XIAP: variants seen among roughly 807,000 people sequenced by gnomAD.
XIAP encodes E3 ubiquitin-protein ligase XIAP.
XIAP carries 3 observed loss-of-function variants against 33.1 expected under a neutral mutation model. The ratio of observed to expected loss-of-function variants is 0.09; its 90% CI spans 0.04 to 0.23. XIAP has a LOEUF of 0.23. Ranked by LOEUF, XIAP falls within the 10% of genes least tolerant of loss-of-function variation. XIAP has a pLI of 1.00. For synonymous variants in XIAP, 98 were observed against 121.3 expected, an observed-to-expected ratio of 0.81 and a Z score of 1.26; for missense variants, 264 against 363.0, an observed-to-expected ratio of 0.73 and a Z score of 2.22.
At chrX:123,904,702 CAACCTCT>C (rs1197316686) in intron 6 of XIAP, among the ~76,000 whole-genome samples, 25 of 112,431 alleles carry the variant, frequency 2.2e-4, no homozygotes, top group Non-Finnish European at 4.5e-4. Context: ...CAGCTCACTG[CAACCTCT>C]ATCTCTCAGG....
rs1330181237 is a variant in XIAP at position 123,909,428 on chromosome X, G to C, written c.*2247G>C. The C allele has an allele frequency of 3.1e-6, 1 of 327,056 alleles. No individual in the cohort carries two copies. The highest frequency in any genetic ancestry group is 5.9e-6 in the Non-Finnish European group (1 of 169,673). 27.0% of individuals were successfully genotyped at this position (327,056 alleles called of 1,213,427 possible). Reference sequence around the variant, plus strand: ...ATCCTCAGTTCTTCACCTTTGCACTGTCTGCCACTTAGTTTGGTTATATAG... The same window carrying C: ...ATCCTCAGTTCTTCACCTTTGCACTCTCTGCCACTTAGTTTGGTTATATAG... On this transcript the variant is annotated 3_prime_UTR_variant, in exon 7 of 7. Transcript: ENST00000371199.
intron 1 of XIAP, among the ~76,000 whole-genome samples, chrX:123,872,403 G>A (rs191955784): frequency 1.2e-3 from 121 of 103,546 alleles, no homozygotes; most frequent in African/African-American, 4.1e-3. Flanking sequence ...TTAACAATAA[G>A]TTGGCCGGGT....
At position 123,909,919 on chromosome X, in the gene XIAP, T is replaced by A. The variant is rs1454475777; in HGVS notation, c.*2738T>A. 9.1e-6 allele frequency: 3 copies of A among 329,649 alleles called. No individual in the cohort carries two copies. The highest frequency in any genetic ancestry group is 1.8e-5 in the Non-Finnish European group (3 of 169,992). 27.2% of individuals were successfully genotyped at this position (329,649 alleles called of 1,213,427 possible). On this transcript the variant is annotated 3_prime_UTR_variant, in exon 7 of 7. Transcript: ENST00000371199. ...TCTTTTCCATCTAATTCCGCAAAAA[T>A]TGATCATTTGCAAAGTCAAAACTAT...
chrX:123,869,117 G>A (rs1234064191), intron 1 of XIAP, among the ~76,000 whole-genome samples: 1 of 110,240 alleles, frequency 9.1e-6, no homozygotes, highest in Non-Finnish European at 1.9e-5. Context: ...TTCTTAAACC[G>A]GACAAGGCTG....
intron 1 of XIAP, among the ~76,000 whole-genome samples, chrX:123,864,635 A>AGT (rs748255094): frequency 0.036 from 3,067 of 84,497 alleles, 94 homozygotes; most frequent in African/African-American, 0.082. Flanking sequence ...CCCGGCTTAG[A>AGT]GTGTGTGTGT....
intron 6 of XIAP, among the ~76,000 whole-genome samples, chrX:123,905,680 CAGTA>C (rs1304663087): frequency 1.8e-5 from 2 of 112,060 alleles, no homozygotes; most frequent in Admixed American, 9.5e-5. Context: ...GTTAAGTGTC[CAGTA>C]AGTATTTCTT....
At chrX:123,886,769 T>C (rs1239742746) in intron 2 of XIAP, among the ~76,000 whole-genome samples, 1 of 111,521 alleles carries the variant, frequency 9.0e-6, no homozygotes, top group African/African-American at 3.3e-5. Context: ...TTCATGTAAT[T>C]GTTTTTAGGA....
intron 1 of XIAP, chrX:123,879,017 A>C (rs943005865): frequency 8.8e-6 from 1 of 113,283 alleles, no homozygotes; most frequent in African/African-American, 3.3e-5. Flanking sequence ...TACTTGATTG[A>C]GATGCTTCCC....
rs765156962 is a variant in XIAP at position 123,888,722 on chromosome X, A to G, written c.977+4A>G. 8.3e-7 allele frequency: 1 copy of G among 1,203,735 alleles called. No individual in the cohort carries two copies. Among genetic ancestry groups the G allele is most frequent in the Non-Finnish European group, 1.1e-6 (1 of 888,005 alleles). On this transcript the variant is annotated splice_donor_region_variant and intron_variant, in intron 3 of 6. Transcript: ENST00000371199. The stretch of plus-strand genomic sequence containing the variant: ...AACATGCTAAATGGTATCCAGGGTA[A>G]GATATTTAATTGTTCATTGTACAGG...
Position 123,900,584 on chromosome X carries a change from T to G in XIAP, c.1191T>G (p.Ile397Met), listed in dbSNP as rs760574724. The G allele has an allele frequency of 4.5e-5, 54 of 1,209,394 alleles. No individual in the cohort carries two copies. The highest frequency in any genetic ancestry group is 5.7e-5 in the Non-Finnish European group (51 of 894,713). ...TTAAGAAAATAATGGAGGAAAAAATTCAGATATCTGGGAGCAACTATAAAT... is the reference window on the plus strand; with the variant it reads ...TTAAGAAAATAATGGAGGAAAAAATGCAGATATCTGGGAGCAACTATAAAT... ...KDIKKIMEEK[I>M]QISGSNYKSL... The change falls in exon 6 of 7, where the codon ATT becomes ATG. Residue 397 changes from isoleucine (I) to methionine (M), a missense_variant. Coordinates refer to ENST00000371199, the MANE Select transcript of XIAP (RefSeq NM_001167.4).
chrX:123,905,585 T>C lies in XIAP; in HGVS notation c.1301-1403T>C, dbSNP rs1002110176. Among the ~76,000 whole-genome samples the C allele has an allele frequency of 8.0e-5, 9 of 112,034 alleles. No homozygotes were observed. The Admixed American group carries it at 8.6e-4, about 11-fold the overall frequency. The stretch of plus-strand genomic sequence containing the variant: ...ATCATACCATTTATACTTTCCTGTT[T>C]GCTTGTGTTCTTTACTTGTCTATGA... On this transcript the variant is annotated intron_variant, in intron 6 of 6. Coordinates refer to ENST00000371199, the MANE Select transcript of XIAP (RefSeq NM_001167.4).
chrX:123,889,627 C>T (rs1440263989), intron 3 of XIAP, among the ~76,000 whole-genome samples: 3 of 109,312 alleles, frequency 2.7e-5, no homozygotes, highest in East Asian at 2.9e-4. Flanking sequence ...AAGTGATTCT[C>T]CTGCCTCAGC....
intron 6 of XIAP, among the ~76,000 whole-genome samples, chrX:123,903,961 A>G (rs1475498915): frequency 9.1e-6 from 1 of 110,284 alleles, no homozygotes; most frequent in Non-Finnish European, 1.9e-5. Context: ...TTTAAAAAAT[A>G]ATAATAATAA....
rs960670602 is a variant in XIAP, at chrX:123,908,087, T to C, written c.*906T>C. On this transcript the variant is annotated 3_prime_UTR_variant, in exon 7 of 7. Transcript: ENST00000371199. The stretch of plus-strand genomic sequence containing the variant: ...TTTTGTAATCAGAATTTTTAGAAAG[T>C]ATTTTGCTGATTTAAAGGCTTAGGC... 12 of 365,803 alleles carry C rather than the reference T, an allele frequency of 3.3e-5. No individual in the cohort carries two copies. The highest frequency in any genetic ancestry group is 8.1e-4 in the Middle Eastern group (1 of 1,235). 30.1% of individuals were successfully genotyped at this position (365,803 alleles called of 1,213,427 possible). A position where few individuals can be genotyped will look rare whatever the true frequency, so the allele number is the denominator to read the frequency against.
In XIAP at chrX:123,910,737, G is replaced by A. The variant is rs1281059740; in HGVS notation, c.*3556G>A. The A allele has an allele frequency of 1.1e-5, 3 of 276,895 alleles. No individual in the cohort carries two copies. The highest frequency in any genetic ancestry group is 3.4e-5 in the South Asian group (1 of 29,663). 22.8% of individuals were successfully genotyped at this position (276,895 alleles called of 1,213,427 possible). On this transcript the variant is annotated 3_prime_UTR_variant, in exon 7 of 7. Transcript: ENST00000371199. ...CAGAAAATTAGCCGGGCGTGGTGGC[G>A]GGCGCCTGTAGTCCCAGCTACTCGG... is the stretch of plus-strand genomic sequence containing the variant.
Position 123,865,955 on chromosome X carries a change from C to T in XIAP, c.-33+5662C>T, listed in dbSNP as rs988474937. On this transcript the variant is annotated intron_variant, in intron 1 of 6. Coordinates refer to ENST00000371199, the MANE Select transcript of XIAP (RefSeq NM_001167.4). ...TTTTTGGTATCTCTTTTTTTCCCCTCGGAGACAGAGTCTTGCTCTGTCGCC... is the reference window on the plus strand; with the variant it reads ...TTTTTGGTATCTCTTTTTTTCCCCTTGGAGACAGAGTCTTGCTCTGTCGCC... Among the ~76,000 whole-genome samples, 8 of 103,159 alleles carry T rather than the reference C, an allele frequency of 7.8e-5. No individual in the cohort carries two copies. The East Asian group carries it at 9.3e-4, about 12-fold the overall frequency. The allele number at this position is 103,159 out of a possible 115,157, so 89.6% of individuals were successfully genotyped here. A position where few individuals can be genotyped will look rare whatever the true frequency, so the allele number is the denominator to read the frequency against.
intron 3 of XIAP, among the ~76,000 whole-genome samples, 187 bp from the exon 4 acceptor site, chrX:123,891,051 G>A (rs17334725): frequency 0.19 from 21,510 of 110,894 alleles, 1,482 homozygotes; most frequent in South Asian, 0.39. Context: ...TAGCATAACA[G>A]AGGGAACTTT....
chrX:123,864,767 CGTGTGTGTGTGTGTGT>C lies in XIAP; in HGVS notation c.-33+4509_-33+4524del, dbSNP rs752421505. 3.7e-3 allele frequency among the ~76,000 whole-genome samples: 196 copies of C among 52,647 alleles called. 3 individuals are homozygous for C. Among genetic ancestry groups the C allele is most frequent in the African/African-American group, 0.012 (147 of 12,731 alleles). 45.7% of individuals were successfully genotyped at this position (52,647 alleles called of 115,157 possible). On this transcript the variant is annotated intron_variant, in intron 1 of 6. Coordinates refer to ENST00000371199, the MANE Select transcript of XIAP (RefSeq NM_001167.4). ...ATGTTAGCCAGGATGGTCGCATTCT[CGTGTGTGTGTGTGTGT>C]GTGTGTGTGTGTGTGTGTGTGTGTG...
chrX:123,860,439 C>G (rs1195584345), intron 1 of XIAP, 146 bp downstream of exon 1: 4 of 262,898 alleles, frequency 1.5e-5, no homozygotes, highest in East Asian at 2.1e-4. Flanking sequence ...AGGGGTGGCC[C>G]GGCCCCGGCT....
Sources: gnomAD v4.1 joint callset for allele counts (sites outside exome capture counted in the v4.1 genomes callset) on GRCh38, gnomAD v4.1.1 for gene constraint, MANE v1.5 for transcripts, NCBI Gene and HGNC (gene_info 2026-07-23, HGNC 2026-07-21) for gene names.